STOX2: variants seen among roughly 807,000 people sequenced by gnomAD.
STOX2 encodes the protein storkhead box 2.
STOX2 carries 28 observed loss-of-function variants against 60.9 expected under a neutral mutation model. That is an observed-to-expected ratio of 0.46 (90% CI 0.34 to 0.63). The LOEUF is 0.63. Among genes scored for constraint, STOX2 ranks in the 30% least tolerant of loss-of-function variants. The pLI is 0.01. For synonymous variants in STOX2, 472 were observed against 463.9 expected (o/e 1.02, Z -0.22); for missense variants, 1,024 against 1,187.7 (o/e 0.86, Z 2.03).
chr4:183,971,451 A>G (rs181295775), intron 1 of STOX2, among the ~76,000 whole-genome samples: 2 of 152,236 alleles, frequency 1.3e-5, no homozygotes, highest in Non-Finnish European at 2.9e-5. Context: ...GACAAAGCTC[A>G]TTAGTACCTC....
At chr4:183,936,742 A>G (rs1742602904) in intron 1 of STOX2, among the ~76,000 whole-genome samples, 1 of 152,234 alleles carries the variant, frequency 6.6e-6, no homozygotes. Context: ...CTGTGTTCTC[A>G]GAGGTATACC....
chr4:183,869,272 T>C (rs1418029005), intron 1 of STOX2, among the ~76,000 whole-genome samples: 1 of 152,218 alleles, frequency 6.6e-6, no homozygotes, highest in Non-Finnish European at 1.5e-5. Context: ...TTAATAAAGC[T>C]GTCAGAATTG....
At chr4:183,946,687 A>G (rs1487600842) in intron 1 of STOX2, among the ~76,000 whole-genome samples, 1 of 127,506 alleles carries the variant, frequency 7.8e-6, no homozygotes, top group Non-Finnish European at 1.7e-5. Context: ...CTGCAGTGGT[A>G]TGATCTCAAC....
rs1739293930 is a variant in STOX2, at chr4:183,821,109, A to G, written c.364+23054A>G. Among the ~76,000 whole-genome samples the G allele has an allele frequency of 1.3e-5, 2 of 152,064 alleles. No individual in the cohort carries two copies. The highest frequency in any genetic ancestry group is 2.9e-5 in the Non-Finnish European group (2 of 68,030). On this transcript the variant is annotated intron_variant, in intron 1 of 2. Coordinates refer to the STOX2 transcript ENST00000513034. The surrounding 1 kb of genome is among the most constrained non-coding windows in gnomAD (Gnocchi z 4.2). ...GGCAACAGAGTGAGACCCTGTCTCA[A>G]AGAAAAAGAAAAAAGAAAAAGAAAA...
At chr4:183,965,874 G>A (rs1743551106) in intron 1 of STOX2, among the ~76,000 whole-genome samples, 1 of 152,132 alleles carries the variant, frequency 6.6e-6, no homozygotes, top group Admixed American at 6.6e-5. Context: ...GGGAAGAAGG[G>A]ACAGCAGGTG....
At chr4:184,015,516 GTTTGTTTT>G (rs1043913347) in intron 3 of STOX2, 25 of 107,272 alleles carry the variant, frequency 2.3e-4, no homozygotes, top group Non-Finnish European at 4.3e-4. Flanking sequence ...TTGTTTGTTT[GTTTGTTTT>G]TTTGGTTGTC....
intron 1 of STOX2, among the ~76,000 whole-genome samples, chr4:183,808,502 G>C (rs775751342): frequency 4.6e-5 from 7 of 152,210 alleles, no homozygotes; most frequent in Non-Finnish European, 1.0e-4. Flanking sequence ...CCTTTCATCA[G>C]AGCCTGGTTA....
intron 1 of STOX2, among the ~76,000 whole-genome samples, chr4:183,823,240 A>G (rs1048681158): frequency 6.6e-6 from 1 of 152,142 alleles, no homozygotes; most frequent in African/African-American, 2.4e-5. Context: ...TCCTAAAAAT[A>G]CAAAAATCAG....
chr4:183,943,768 G>T (rs1452709641), intron 1 of STOX2, among the ~76,000 whole-genome samples: 6 of 152,118 alleles, frequency 3.9e-5, no homozygotes, highest in African/African-American at 2.4e-5. Context: ...TCCCAGCTAC[G>T]CGGGAGGCTG....
chr4:183,886,007 C>T (rs181874851), intron 1 of STOX2, among the ~76,000 whole-genome samples: 18 of 152,102 alleles, frequency 1.2e-4, no homozygotes, highest in South Asian at 4.2e-4. Flanking sequence ...GAGAAGGGTC[C>T]TCCAGAGGGC....
At chr4:183,807,948 G>T (rs965604139) in intron 1 of STOX2, among the ~76,000 whole-genome samples, 1 of 152,226 alleles carries the variant, frequency 6.6e-6, no homozygotes, top group African/African-American at 2.4e-5. Flanking sequence ...CAGGCCTGCG[G>T]GGCGGGCTGA....
intron 3 of STOX2, chr4:184,014,600 A>G (rs1734293968): frequency 6.6e-6 from 1 of 151,966 alleles, no homozygotes; most frequent in African/African-American, 2.4e-5. Flanking sequence ...ACAAAAAACC[A>G]ACTTTTAAAT....
intron 1 of STOX2, among the ~76,000 whole-genome samples, chr4:183,893,109 C>CT (rs11347203): frequency 0.012 from 1,689 of 145,850 alleles, 24 homozygotes; most frequent in African/African-American, 0.038. Flanking sequence ...GTCCAACTTT[C>CT]TTTTTTTTTT....
chr4:183,924,346 G>A (rs985798665), intron 1 of STOX2, among the ~76,000 whole-genome samples: 1 of 152,134 alleles, frequency 6.6e-6, no homozygotes, highest in Non-Finnish European at 1.5e-5. Flanking sequence ...AGTAAGGGGG[G>A]CTGGACCCCC....
At chr4:183,851,376 A>G (rs62652535) in intron 1 of STOX2, among the ~76,000 whole-genome samples, 1,064 of 24,246 alleles carry the variant, frequency 0.044, 44 homozygotes, top group Non-Finnish European at 0.053. Flanking sequence ...AAAGGATGAG[A>G]GAAACGATGA....
rs747087184 is a variant in STOX2, at chr4:184,009,710, C to T, written c.872C>T (p.Pro291Leu). ...CTGGCCAATTTTTCTGCCCAGTTTCCTCCTGAAGAGTGGCCCCTGCGAGAC... is the reference window on the plus strand; with the variant it reads ...CTGGCCAATTTTTCTGCCCAGTTTCTTCCTGAAGAGTGGCCCCTGCGAGAC... ...KQLANFSAQF[P>L]PEEWPLRDED... The change falls in exon 3 of 4, where the codon CCT becomes CTT. Residue 291 changes from proline (P) to leucine (L), a missense_variant. Physicochemically the swap from Pro to Leu is moderately conservative, Grantham distance 98. Around this residue, in one of 3 missense-constraint regions of STOX2, gnomAD observed 922 missense variants for 1,058.3 expected, o/e 0.87. Transcript: ENST00000308497. The surrounding 1 kb of genome is among the most constrained non-coding windows in gnomAD (Gnocchi z 4.0). The T allele has an allele frequency of 6.2e-7, 1 of 1,613,838 alleles. No homozygotes were observed. Among genetic ancestry groups the T allele is most frequent in the East Asian group, 2.2e-5 (1 of 44,882 alleles).
intron 1 of STOX2, among the ~76,000 whole-genome samples, chr4:183,891,792 T>A (rs544518093): frequency 6.6e-6 from 1 of 151,846 alleles, no homozygotes; most frequent in Admixed American, 6.6e-5. Context: ...AAAAAATCAA[T>A]AAATAAAATG....
intron 1 of STOX2, among the ~76,000 whole-genome samples, chr4:183,845,853 T>C (rs1027394160): frequency 6.6e-6 from 1 of 152,238 alleles, no homozygotes; most frequent in Non-Finnish European, 1.5e-5. Context: ...TCAAATATAC[T>C]TTAATACTGA....
At chr4:183,995,291 CTTTTTTTTTTTTT>C (rs61681165) in intron 1 of STOX2, among the ~76,000 whole-genome samples, 1,941 of 79,486 alleles carry the variant, frequency 0.024, 31 homozygotes, top group Middle Eastern at 0.029. Context: ...TTATTTTAGT[CTTTTTTTTTTTTT>C]TTTTTTTTTT....
Sources: allele counts gnomAD v4.1 joint callset (sites outside exome capture counted in the v4.1 genomes callset), GRCh38; gene constraint gnomAD v4.1.1; regional missense constraint gnomAD v4.1.1; non-coding constraint Gnocchi (gnomAD v3.1); transcripts MANE v1.5; gene names NCBI Gene and HGNC (gene_info 2026-07-23, HGNC 2026-07-21).